Variants in DNAJC1 observed in about 807,000 individuals in gnomAD.
DNAJC1 encodes dnaJ homolog subfamily C member 1.
Under a neutral mutation model 76.6 loss-of-function variants are expected in DNAJC1, and 58 were observed. The observed-to-expected ratio is 0.76, with a 90% confidence interval of 0.61 to 0.94. DNAJC1 has a LOEUF of 0.94. Ranked by LOEUF, DNAJC1 falls within the 40% of genes least tolerant of loss-of-function variation. The pLI is 0.00. For missense variants in DNAJC1, 689 were observed against 677.3 expected, an observed-to-expected ratio of 1.02 and a Z score of -0.19; for synonymous variants, 258 against 267.9, an observed-to-expected ratio of 0.96 and a Z score of 0.36.
At chr10:21,985,049 T>C (rs1411386720) in intron 1 of DNAJC1, among the ~76,000 whole-genome samples, 1 of 152,214 alleles carries the variant, frequency 6.6e-6, no homozygotes, top group Non-Finnish European at 1.5e-5. Context: ...AAATAACGTC[T>C]TATTTTTCCA....
At chr10:21,907,211 T>C (rs960139931) in intron 6 of DNAJC1, among the ~76,000 whole-genome samples, 2 of 152,140 alleles carry the variant, frequency 1.3e-5, no homozygotes, top group Non-Finnish European at 2.9e-5. Flanking sequence ...CCTAACCTAC[T>C]CTACTTAATC....
intron 8 of DNAJC1, chr10:21,865,707 A>C (rs896064923): frequency 6.6e-6 from 1 of 152,128 alleles, no homozygotes; most frequent in East Asian, 1.9e-4. Flanking sequence ...AAATATGTCT[A>C]GTTTATTTTT....
intron 8 of DNAJC1, among the ~76,000 whole-genome samples, chr10:21,864,524 A>C (rs897535837): frequency 7.9e-5 from 12 of 152,164 alleles, no homozygotes; most frequent in African/African-American, 2.9e-4. Flanking sequence ...CGGCAGGCTG[A>C]GGCAGGAGAA....
At chr10:21,797,354 T>C (rs1834761127) in intron 9 of DNAJC1, among the ~76,000 whole-genome samples, 1 of 152,184 alleles carries the variant, frequency 6.6e-6, no homozygotes, top group African/African-American at 2.4e-5. Context: ...TATAACTTTC[T>C]AATATATGTT....
intron 1 of DNAJC1, among the ~76,000 whole-genome samples, chr10:21,986,289 A>T (rs1838246586): frequency 1.3e-5 from 2 of 152,228 alleles, no homozygotes; most frequent in Non-Finnish European, 2.9e-5. Flanking sequence ...TAAGTATTCC[A>T]GGTTTTCCAC....
At chr10:21,894,493 C>A (rs190902401) in intron 7 of DNAJC1, among the ~76,000 whole-genome samples, 10 of 152,256 alleles carry the variant, frequency 6.6e-5, no homozygotes, top group African/African-American at 2.2e-4. Flanking sequence ...ATCACTTGAA[C>A]CTGGGAGGTG....
chr10:21,810,869 C>A (rs938645225), intron 8 of DNAJC1, among the ~76,000 whole-genome samples: 2 of 152,168 alleles, frequency 1.3e-5, no homozygotes, highest in Admixed American at 6.5e-5. Context: ...TTCATCTAAC[C>A]AGCAACTGGT....
chr10:21,771,682 G>C (rs918235406), intron 9 of DNAJC1, among the ~76,000 whole-genome samples: 1 of 152,126 alleles, frequency 6.6e-6, no homozygotes, highest in African/African-American at 2.4e-5. Context: ...ATTTTTAGTA[G>C]AGATAGGGTT....
intron 1 of DNAJC1, among the ~76,000 whole-genome samples, chr10:21,966,979 C>T (rs1837901782): frequency 6.6e-6 from 1 of 151,164 alleles, no homozygotes; most frequent in Non-Finnish European, 1.5e-5. Flanking sequence ...TGAGCCACTG[C>T]ACCCGGCCTT....
intron 1 of DNAJC1, among the ~76,000 whole-genome samples, chr10:21,999,465 T>TC (rs1838479688): frequency 6.8e-6 from 1 of 146,194 alleles, no homozygotes; most frequent in Non-Finnish European, 1.5e-5. Context: ...TTTTTTTTTT[T>TC]TTTTTTTTGA....
chr10:21,928,996 T>A (rs1263586999), intron 2 of DNAJC1, 44 bp downstream of exon 2: 2 of 1,234,682 alleles, frequency 1.6e-6, no homozygotes, highest in Admixed American at 2.3e-5. Flanking sequence ...GACATGTTAA[T>A]ACATTTGTCA....
chr10:21,882,350 A>G lies in DNAJC1; in HGVS notation c.910T>C (p.Ser304Pro). 1 of 1,602,604 alleles carries G rather than the reference A, an allele frequency of 6.2e-7. No individual in the cohort carries two copies. The highest frequency in any genetic ancestry group is 1.1e-5 in the South Asian group (1 of 88,338). The change falls in exon 8 of 12, where the codon TCC becomes CCC. Residue 304 changes from serine to proline, a missense_variant. Transcript: ENST00000376980. ...TYIQSYDHGT[S>P]IEEIEEQMDD... The stretch of plus-strand genomic sequence containing the variant: ...ATTTGTTCCTCAATTTCTTCTATGG[A>G]AGTTCCATGATCATAAGACTGAATA...
At position 21,759,315 on chromosome 10, in the gene DNAJC1, C is replaced by G. The variant is rs1307272204; in HGVS notation, c.1451G>C (p.Ser484Thr). 3 of 1,614,124 alleles carry G rather than the reference C, an allele frequency of 1.9e-6. No homozygotes were observed. The highest frequency in any genetic ancestry group is 2.5e-6 in the Non-Finnish European group (3 of 1,180,046). The part of the protein sequence containing the change: ...AEQNESSDEE[S>T]LRKERARSAE... ...AGACCGAGCTCTCTCTTTTCTCAGG[C>G]TCTCCTCGTCGCTGGACTCGTTTTG... The change falls in exon 11 of 12, where the codon AGC (serine) becomes ACC (threonine). Residue 484 changes from serine (S) to threonine (T), a missense_variant. Ser to Thr is a moderately conservative substitution (Grantham distance 58). Transcript: ENST00000376980.
At chr10:21,917,377 G>T (rs1836974130) in intron 6 of DNAJC1, among the ~76,000 whole-genome samples, 1 of 151,950 alleles carries the variant, frequency 6.6e-6, no homozygotes, top group Admixed American at 6.5e-5. Context: ...TTTCAAATTA[G>T]ATTAAAATTA....
At chr10:21,872,235 G>A (rs753220762) in intron 8 of DNAJC1, among the ~76,000 whole-genome samples, 43 of 151,704 alleles carry the variant, frequency 2.8e-4, no homozygotes, top group Non-Finnish European at 5.9e-4. Flanking sequence ...CACCACACCC[G>A]GCTAATTTTG....
intron 9 of DNAJC1, among the ~76,000 whole-genome samples, chr10:21,787,441 G>A (rs1294275230): frequency 5.3e-5 from 8 of 152,108 alleles, no homozygotes; most frequent in Non-Finnish European, 2.9e-5. Context: ...AAGAAATAGA[G>A]TTATTTGGGG....
At chr10:21,826,766 C>T (rs1048428732) in intron 8 of DNAJC1, among the ~76,000 whole-genome samples, 9 of 152,164 alleles carry the variant, frequency 5.9e-5, no homozygotes, top group Admixed American at 2.0e-4. Context: ...ACTGTCTTCT[C>T]CACACTGAAT....
intron 8 of DNAJC1, among the ~76,000 whole-genome samples, chr10:21,812,811 CTT>C (rs1834989932): frequency 6.6e-6 from 1 of 151,930 alleles, no homozygotes; most frequent in African/African-American, 2.4e-5. Context: ...CCCATATACT[CTT>C]TATTCAGCAA....
intron 3 of DNAJC1, among the ~76,000 whole-genome samples, chr10:21,922,580 T>C (rs1354406930): frequency 1.3e-5 from 2 of 152,046 alleles, no homozygotes; most frequent in Non-Finnish European, 1.5e-5. Flanking sequence ...AACATCAAGA[T>C]ATAATAATAT....
Sources: gnomAD v4.1 joint callset for allele counts (sites outside exome capture counted in the v4.1 genomes callset) on GRCh38, gnomAD v4.1.1 for gene constraint, MANE v1.5 for transcripts, NCBI Gene and HGNC (gene_info 2026-07-23, HGNC 2026-07-21) for gene names.